ZNF346: variants seen among roughly 807,000 people sequenced by gnomAD.
ZNF346 encodes the protein zinc finger protein 346, also known as double-stranded RNA-binding zinc finger protein JAZ.
ZNF346 carries 23 observed loss-of-function variants against 33.7 expected under a neutral mutation model. The ratio of observed to expected loss-of-function variants is 0.68; its 90% CI spans 0.49 to 0.97. The LOEUF is 0.97. ZNF346 is among the 50% of genes least tolerant of loss of function. The pLI is 0.00. For synonymous variants in ZNF346, 134 were observed against 142.4 expected (o/e 0.94, Z 0.42); for missense variants, 340 against 371.1 (o/e 0.92, Z 0.69).
chr5:177,063,361 T>C (rs1782780546), intron 6 of ZNF346, among the ~76,000 whole-genome samples: 1 of 152,224 alleles, frequency 6.6e-6, no homozygotes, highest in Non-Finnish European at 1.5e-5. Context: ...ACACAGAGTA[T>C]TGGTGTAAAA....
intron 6 of ZNF346, 50 bp downstream of exon 6, chr5:177,062,201 C>A: frequency 6.7e-7 from 1 of 1,500,334 alleles, no homozygotes; most frequent in Non-Finnish European, 9.3e-7. Flanking sequence ...GAGCTCAGGA[C>A]TTCTGCATCA....
chr5:177,053,334 A>AG, intron 5 of ZNF346, among the ~76,000 whole-genome samples: 1 of 151,446 alleles, frequency 6.6e-6, no homozygotes. Context: ...AAAAAAAAAA[A>AG]AAAACAGGGT....
chr5:177,024,762 C>T (rs186901838), intron 1 of ZNF346, among the ~76,000 whole-genome samples: 1 of 152,284 alleles, frequency 6.6e-6, no homozygotes, highest in East Asian at 1.9e-4. Context: ...AGAAAGTGAC[C>T]TTTGCCCTGG....
rs1451514300 is a variant in ZNF346 at position 177,065,735 on chromosome 5, G to C, written c.*1136G>C. On this transcript the variant is annotated 3_prime_UTR_variant, in exon 7 of 7. Transcript: ENST00000358149. The stretch of plus-strand genomic sequence containing the variant: ...AACCTTGAGACGAGAATTCCAAGGA[G>C]TGTCACCATCAGAGGCTTCTCTTCA... 6.6e-6 allele frequency: 1 copy of C among 152,266 alleles called. No homozygotes were observed. Among genetic ancestry groups the C allele is most frequent in the Non-Finnish European group, 1.5e-5 (1 of 68,022 alleles). The allele number at this position is 152,266 out of a possible 1,614,324, so 9.4% of individuals were successfully genotyped here.
intron 1 of ZNF346, among the ~76,000 whole-genome samples, chr5:177,025,179 G>A (rs961241163): frequency 6.6e-6 from 1 of 152,154 alleles, no homozygotes; most frequent in Non-Finnish European, 1.5e-5. Context: ...GTAGTCTTTT[G>A]AGTTTGGCTT....
chr5:177,026,352 AT>A (rs59380094), intron 1 of ZNF346, among the ~76,000 whole-genome samples: 4,885 of 101,834 alleles, frequency 0.048, 155 homozygotes, highest in African/African-American at 0.15. Flanking sequence ...TGGATTGGTA[AT>A]TTTTTTTTTT....
chr5:177,054,245 A>T lies in ZNF346; in HGVS notation c.703+3309A>T, dbSNP rs193236836. Among the ~76,000 whole-genome samples, 88 of 151,332 alleles carry T rather than the reference A, an allele frequency of 5.8e-4. 1 individual carries two copies. The highest frequency in any genetic ancestry group is 2.1e-3 in the African/African-American group (86 of 41,224). On this transcript the variant is annotated intron_variant, in intron 5 of 6. Transcript: ENST00000358149. ...TGCCACCACACCTGGCTACTTTTTTATTTTTTGTAGAGCTAGAGTCTCGCC... is the reference window on the plus strand; with the variant it reads ...TGCCACCACACCTGGCTACTTTTTTTTTTTTTGTAGAGCTAGAGTCTCGCC...
intron 1 of ZNF346, among the ~76,000 whole-genome samples, chr5:177,023,826 GACTTGTCTTC>G (rs1041564262): frequency 2.6e-5 from 4 of 152,034 alleles, no homozygotes; most frequent in African/African-American, 9.7e-5. Context: ...TTGCTGAGCA[GACTTGTCTTC>G]GAAAGTTTAA....
Position 177,034,707 on chromosome 5 carries a change from G to A in ZNF346, c.176-6419G>A, listed in dbSNP as rs574512954. Among the ~76,000 whole-genome samples, 11 of 152,158 alleles carry A rather than the reference G, an allele frequency of 7.2e-5. 1 individual carries two copies. Among genetic ancestry groups the A allele is most frequent in the Admixed American group, 1.3e-4 (2 of 15,272 alleles). On this transcript the variant is annotated intron_variant, in intron 1 of 6. Coordinates refer to ENST00000358149, the MANE Select transcript of ZNF346 (RefSeq NM_012279.4). ...GATATAAATTAAATCCTGTGAATAC[G>A]TAACATCTCATAGGATGTAGAATGC... is the stretch of plus-strand genomic sequence containing the variant.
intron 4 of ZNF346, 100 bp downstream of exon 4, chr5:177,044,633 A>G: frequency 7.7e-7 from 1 of 1,306,374 alleles, no homozygotes; most frequent in Non-Finnish European, 1.1e-6. Flanking sequence ...CACAGACTTG[A>G]AGAAGTTGAA....
chr5:177,032,271 T>G (rs1343636004), intron 1 of ZNF346, among the ~76,000 whole-genome samples: 2 of 152,120 alleles, frequency 1.3e-5, no homozygotes, highest in African/African-American at 2.4e-5. Flanking sequence ...CCTAAAGTGC[T>G]GGGATTACAG....
chr5:177,065,920 C>G lies in ZNF346; in HGVS notation c.*1321C>G, dbSNP rs1783127396. On this transcript the variant is annotated 3_prime_UTR_variant, in exon 7 of 7. Coordinates refer to ENST00000358149, the MANE Select transcript of ZNF346 (RefSeq NM_012279.4). ...TGTGCTTCTGTGTGTGCCTAATGCT[C>G]TGTCTCTTGGTCACTGAAGCATCCA... 1.3e-5 allele frequency: 2 copies of G among 150,056 alleles called. No homozygotes were observed. Among genetic ancestry groups the G allele is most frequent in the South Asian group, 4.2e-4 (2 of 4,710 alleles). The allele number at this position is 150,056 out of a possible 1,614,324, so 9.3% of individuals were successfully genotyped here.
downstream of ZNF346, among the ~76,000 whole-genome samples, chr5:177,070,303 A>C (rs1176603038): frequency 6.6e-6 from 1 of 152,042 alleles, no homozygotes; most frequent in African/African-American, 2.4e-5. Context: ...GGCCCTTCTT[A>C]CTTTTAGCAT....
In ZNF346 at chr5:177,022,843, CT is replaced by C; in HGVS notation, c.108del (p.Phe36LeufsTer27). 6.5e-7 allele frequency: 1 copy of C among 1,535,936 alleles called. No individual in the cohort carries two copies. Among genetic ancestry groups the C allele is most frequent in the Non-Finnish European group, 8.8e-7 (1 of 1,140,562 alleles). ...LEGQEPDGVR[F>X]DRERARRLWE... is the part of the protein sequence containing the mutation. Reference sequence around the variant, plus strand: ...AGGGCCAGGAGCCGGACGGGGTGCGCTTTGACCGCGAGAGGGCGCGCCGCCT... The same window carrying C: ...AGGGCCAGGAGCCGGACGGGGTGCGCTTGACCGCGAGAGGGCGCGCCGCCT... On this transcript the variant is annotated frameshift_variant, in exon 1 of 7. Coordinates refer to ENST00000358149, the MANE Select transcript of ZNF346 (RefSeq NM_012279.4). LOFTEE classifies it high-confidence loss of function.
chr5:177,043,134 G>A (rs1673179310), intron 3 of ZNF346, among the ~76,000 whole-genome samples: 1 of 152,150 alleles, frequency 6.6e-6, no homozygotes. Context: ...TTACAAGTGT[G>A]AGCCACTGCG....
rs1357775878 is a variant in ZNF346 at position 177,067,399 on chromosome 5, T to C, written c.*2800T>C. ...CACTCAGCCCCTGCTCCTGGTCAGC[T>C]GTGAAAGGCTCTACACAGCCCCAAG... On this transcript the variant is annotated 3_prime_UTR_variant, in exon 7 of 7. Coordinates refer to ENST00000358149, the MANE Select transcript of ZNF346 (RefSeq NM_012279.4). Among the ~76,000 whole-genome samples, 1 of 152,004 alleles carries C rather than the reference T, an allele frequency of 6.6e-6. No individual in the cohort carries two copies.
chr5:177,033,116 A>T (rs1044878391), intron 1 of ZNF346, among the ~76,000 whole-genome samples: 5 of 152,148 alleles, frequency 3.3e-5, no homozygotes, highest in African/African-American at 1.2e-4. Flanking sequence ...TTGCTCTGTC[A>T]CCCAGCTGAA....
At chr5:177,059,797 C>G (rs1187795415) in intron 5 of ZNF346, among the ~76,000 whole-genome samples, 1 of 152,168 alleles carries the variant, frequency 6.6e-6, no homozygotes, top group Non-Finnish European at 1.5e-5. Context: ...ATGTGCCAGG[C>G]ATTGTGGTAA....
At chr5:177,050,287 C>G (rs1436540460) in intron 4 of ZNF346, among the ~76,000 whole-genome samples, 2 of 152,210 alleles carry the variant, frequency 1.3e-5, no homozygotes, top group Non-Finnish European at 2.9e-5. Context: ...GTTCCCAGCT[C>G]TGCAACTGTA....
Sources: allele counts gnomAD v4.1 joint callset (sites outside exome capture counted in the v4.1 genomes callset), GRCh38; gene constraint gnomAD v4.1.1; transcripts MANE v1.5; gene names NCBI Gene and HGNC (gene_info 2026-07-23, HGNC 2026-07-21).